DYM: variants seen among roughly 807,000 people sequenced by gnomAD.
DYM encodes the protein dyggve-Melchior-Clausen syndrome protein.
In DYM, 78 loss-of-function variants were observed where a neutral mutation model predicts 93.1. The ratio of observed to expected loss-of-function variants is 0.84; its 90% confidence interval spans 0.70 to 1.01. The LOEUF is 1.01. Ranked by LOEUF, DYM falls within the 50% of genes least tolerant of loss-of-function variation. The pLI is 0.00. For synonymous variants in DYM, 321 were observed against 319.7 expected (o/e 1.00, Z -0.04); for missense variants, 789 against 845.0 (o/e 0.93, Z 0.82).
intron 2 of DYM, among the ~76,000 whole-genome samples, chr18:49,399,360 G>A (rs893821614): frequency 2.0e-5 from 3 of 152,194 alleles, no homozygotes; most frequent in Admixed American, 1.3e-4. Context: ...GGCATGCCCT[G>A]GGAAGGGGTG....
chr18:49,136,157 C>G (rs989479807), intron 15 of DYM, among the ~76,000 whole-genome samples: 1 of 152,194 alleles, frequency 6.6e-6, no homozygotes, highest in Non-Finnish European at 1.5e-5. Flanking sequence ...GGAGGCAATC[C>G]TGTATTAAAT....
intron 5 of DYM, among the ~76,000 whole-genome samples, 191 bp from the exon 6 acceptor site, chr18:49,363,424 T>C (rs927888595): frequency 1.3e-5 from 2 of 152,238 alleles, no homozygotes; most frequent in Admixed American, 1.3e-4. Flanking sequence ...TCATCTAGCA[T>C]AGGACCTTTC....
chr18:49,340,304 G>A (rs2064011866), intron 6 of DYM, among the ~76,000 whole-genome samples: 1 of 151,804 alleles, frequency 6.6e-6, no homozygotes, highest in Admixed American at 6.6e-5. Flanking sequence ...TGCATCACAA[G>A]TAACTCTTAA....
chr18:49,118,395 ATAGT>A (rs1246789541), intron 16 of DYM, among the ~76,000 whole-genome samples: 1 of 152,200 alleles, frequency 6.6e-6, no homozygotes, highest in Non-Finnish European at 1.5e-5. Flanking sequence ...AAATGGGATA[ATAGT>A]TATATATATT....
In DYM at chr18:49,272,282, G is replaced by T. The variant is rs1212139937; in HGVS notation, c.1147C>A (p.Leu383Met). ...ENLVLPILEI[L>M]YHVEERNSHH... ...GAATTCCTTTCTTCAACATGATACA[G>T]AATCTCAAGAATTGGTAAAACCTAG... The change falls in exon 11 of 18, where the codon CTG becomes ATG. Residue 383 changes from leucine to methionine, a missense_variant. Physicochemically the swap from Leu to Met is conservative, Grantham distance 15 (BLOSUM62 2). Transcript: ENST00000675505. 6.4e-7 allele frequency: 1 copy of T among 1,554,032 alleles called. No homozygotes were observed. The highest frequency in any genetic ancestry group is 8.9e-7 in the Non-Finnish European group (1 of 1,126,092).
intron 17 of DYM, among the ~76,000 whole-genome samples, chr18:49,075,405 T>C (rs1163609736): frequency 6.6e-6 from 1 of 152,156 alleles, no homozygotes; most frequent in Non-Finnish European, 1.5e-5. Context: ...TCCCATCCCA[T>C]TACTCCTTAT....
chr18:49,293,999 G>A (rs189649149), intron 8 of DYM, among the ~76,000 whole-genome samples: 2 of 152,144 alleles, frequency 1.3e-5, no homozygotes. Context: ...TGTATAAGGT[G>A]TAAGGAAGGG....
At chr18:49,446,252 T>A (rs184949253) in intron 1 of DYM, among the ~76,000 whole-genome samples, 31 of 151,958 alleles carry the variant, frequency 2.0e-4, no homozygotes, top group Admixed American at 1.8e-3. Flanking sequence ...TGAGACCCCA[T>A]CTCTACCAAA....
At chr18:49,267,380 CA>C (rs1358187582) in intron 11 of DYM, among the ~76,000 whole-genome samples, 1 of 152,096 alleles carries the variant, frequency 6.6e-6, no homozygotes, top group Non-Finnish European at 1.5e-5. Flanking sequence ...CCCCAGGATG[CA>C]AAGTTGATTT....
intron 17 of DYM, among the ~76,000 whole-genome samples, chr18:49,080,687 C>T (rs1294345282): frequency 6.8e-6 from 1 of 147,148 alleles, no homozygotes; most frequent in East Asian, 2.1e-4. Flanking sequence ...CGGGCAGAGA[C>T]GCTCCTCACT....
intron 15 of DYM, among the ~76,000 whole-genome samples, chr18:49,120,525 A>G (rs1198864154): frequency 6.6e-6 from 1 of 152,224 alleles, no homozygotes; most frequent in East Asian, 1.9e-4. Context: ...ACAAAGTGGC[A>G]TACTACAGTT....
At chr18:49,371,478 A>G (rs1599737924) in intron 5 of DYM, among the ~76,000 whole-genome samples, 1 of 152,196 alleles carries the variant, frequency 6.6e-6, no homozygotes, top group African/African-American at 2.4e-5. Context: ...CAAAATAATA[A>G]TAATAATAAT....
At chr18:49,335,159 A>G (rs2063570633) in intron 6 of DYM, among the ~76,000 whole-genome samples, 1 of 152,164 alleles carries the variant, frequency 6.6e-6, no homozygotes, top group Non-Finnish European at 1.5e-5. Context: ...ATGACATATA[A>G]AAAAAGAAAA....
At chr18:49,364,674 C>CCAGA (rs2066346881) in intron 5 of DYM, among the ~76,000 whole-genome samples, 1 of 152,104 alleles carries the variant, frequency 6.6e-6, no homozygotes. Context: ...GTACAGCATG[C>CCAGA]CAGACTCTTG....
intron 2 of DYM, among the ~76,000 whole-genome samples, chr18:49,423,960 C>T (rs1192853740): frequency 2.0e-5 from 3 of 152,100 alleles, no homozygotes; most frequent in African/African-American, 7.2e-5. Context: ...CCGAATTCTA[C>T]CAGAGGTACA....
chr18:49,139,230 A>G (rs1364695387), intron 15 of DYM, among the ~76,000 whole-genome samples: 1 of 152,152 alleles, frequency 6.6e-6, no homozygotes. Context: ...TAAAACAGAA[A>G]AAGAGCAGCC....
chr18:49,130,565 C>T (rs1185303783), intron 15 of DYM, among the ~76,000 whole-genome samples: 2 of 40,210 alleles, frequency 5.0e-5, no homozygotes, highest in African/African-American at 1.3e-4. Flanking sequence ...TCCTACTTTA[C>T]TAAAACAATT....
intron 17 of DYM, among the ~76,000 whole-genome samples, chr18:49,054,139 A>G (rs2075268410): frequency 6.6e-6 from 1 of 152,262 alleles, no homozygotes; most frequent in Non-Finnish European, 1.5e-5. Context: ...TCTATGAAAT[A>G]TTATAATTTA....
chr18:49,201,835 T>C (rs2092015102), intron 14 of DYM, among the ~76,000 whole-genome samples: 2 of 152,256 alleles, frequency 1.3e-5, no homozygotes, highest in African/African-American at 4.8e-5. Context: ...TCGCTTTTTA[T>C]ATGTTACTAA....
Sources: allele counts gnomAD v4.1 joint callset (sites outside exome capture counted in the v4.1 genomes callset), GRCh38; gene constraint gnomAD v4.1.1; transcripts MANE v1.5; gene names NCBI Gene and HGNC (gene_info 2026-07-23, HGNC 2026-07-21).